The following MACROD2 variants were observed in gnomAD, a reference collection of about 807,000 sequenced individuals.
MACROD2 encodes the protein ADP-ribose glycohydrolase MACROD2.
In MACROD2, 36 loss-of-function variants were observed where a neutral mutation model predicts 70.4. The ratio of observed to expected loss-of-function variants is 0.51; its 90% CI spans 0.39 to 0.68. The LOEUF is 0.68. MACROD2 is among the 30% of genes least tolerant of loss of function. MACROD2 has a pLI of 0.00. For synonymous variants in MACROD2, 172 were observed against 178.8 expected (o/e 0.96, Z 0.30); for missense variants, 496 against 538.4 (o/e 0.92, Z 0.78).
chr20:14,481,724 A>G (rs1322948261), intron 3 of MACROD2, among the ~76,000 whole-genome samples: 1 of 152,230 alleles, frequency 6.6e-6, no homozygotes, highest in South Asian at 2.1e-4. Context: ...GGACTCAAGC[A>G]TTGGATTGAA....
intron 3 of MACROD2, among the ~76,000 whole-genome samples, chr20:14,269,151 G>C (rs1388861225): frequency 6.6e-6 from 1 of 152,188 alleles, no homozygotes; most frequent in Non-Finnish European, 1.5e-5. Context: ...CTTATTGTGT[G>C]TGTGGAAATT....
chr20:14,294,590 A>G (rs1454442118), intron 3 of MACROD2, among the ~76,000 whole-genome samples: 2 of 151,834 alleles, frequency 1.3e-5, no homozygotes, highest in African/African-American at 4.9e-5. Flanking sequence ...AGGAGCTTGA[A>G]TATTTTGTAG....
chr20:15,074,874 C>G (rs1483076845), intron 5 of MACROD2, among the ~76,000 whole-genome samples: 1 of 152,172 alleles, frequency 6.6e-6, no homozygotes, highest in African/African-American at 2.4e-5. Context: ...TATGGAATGT[C>G]AGGCACTGCA....
chr20:16,018,500 C>G (rs1249075716), intron 15 of MACROD2, among the ~76,000 whole-genome samples: 1 of 152,056 alleles, frequency 6.6e-6, no homozygotes, highest in African/African-American at 2.4e-5. Flanking sequence ...ATGGTCTTAT[C>G]TCCTACTTTG....
At chr20:15,696,598 G>A (rs2146887476) in intron 8 of MACROD2, among the ~76,000 whole-genome samples, 1 of 151,488 alleles carries the variant, frequency 6.6e-6, no homozygotes, top group South Asian at 2.1e-4. Context: ...TCTATCTTGT[G>A]GAATTGTGTC....
chr20:14,090,722 C>T (rs1228464546), intron 3 of MACROD2, among the ~76,000 whole-genome samples: 1 of 152,154 alleles, frequency 6.6e-6, no homozygotes, highest in Admixed American at 6.6e-5. Flanking sequence ...CTGCAGTGAA[C>T]ATGGCAGTAC....
intron 5 of MACROD2, among the ~76,000 whole-genome samples, chr20:14,716,249 T>C (rs2071395792): frequency 6.6e-6 from 1 of 152,182 alleles, no homozygotes; most frequent in Non-Finnish European, 1.5e-5. Flanking sequence ...TGTCTTGGGA[T>C]ATATCTCTAT....
intron 3 of MACROD2, among the ~76,000 whole-genome samples, chr20:14,452,337 T>G (rs1894640465): frequency 6.6e-6 from 1 of 152,120 alleles, no homozygotes; most frequent in African/African-American, 2.4e-5. Flanking sequence ...CATCTTAACA[T>G]TTAGGGATAA....
rs3045609 is a variant in MACROD2, at chr20:14,789,460, A to ATTTTTTTTTTTTTTTTTT, written c.418+104516_418+104533dup. On this transcript the variant is annotated intron_variant, in intron 5 of 17. Transcript: ENST00000684519. ...CTTGTGGATTAATCAGGTAGTGCAA[A>ATTTTTTTTTTTTTTTTTT]TTTTTTTTTTTTTTTTTTTTTTTTT... 3.3e-4 allele frequency among the ~76,000 whole-genome samples: 16 copies of ATTTTTTTTTTTTTTTTTT among 48,358 alleles called. 5 individuals are homozygous for ATTTTTTTTTTTTTTTTTT. Among genetic ancestry groups the ATTTTTTTTTTTTTTTTTT allele is most frequent in the Middle Eastern group, 0.023 (1 of 44 alleles). 31.7% of individuals were successfully genotyped at this position (48,358 alleles called of 152,430 possible).
intron 6 of MACROD2, among the ~76,000 whole-genome samples, chr20:15,257,182 A>T (rs1259814042): frequency 2.6e-5 from 4 of 152,024 alleles, no homozygotes; most frequent in Admixed American, 6.6e-5. Flanking sequence ...TCTTTCTTAC[A>T]ATATACATAC....
intron 5 of MACROD2, among the ~76,000 whole-genome samples, chr20:15,144,833 T>A (rs192986880): frequency 1.3e-5 from 2 of 152,252 alleles, no homozygotes; most frequent in Non-Finnish European, 2.9e-5. Flanking sequence ...GAAGAGTGGT[T>A]CTATATTCTG....
At chr20:15,125,475 C>T (rs2076059574) in intron 5 of MACROD2, among the ~76,000 whole-genome samples, 1 of 152,064 alleles carries the variant, frequency 6.6e-6, no homozygotes, top group Non-Finnish European at 1.5e-5. Context: ...TTCATTCATT[C>T]AACCAACATT....
intron 2 of MACROD2, among the ~76,000 whole-genome samples, chr20:14,061,177 G>C (rs2053686794): frequency 6.6e-6 from 1 of 152,036 alleles, no homozygotes; most frequent in African/African-American, 2.4e-5. Context: ...AGATATTTTT[G>C]CATGTAGGTA....
At chr20:15,138,629 C>T (rs1446004805) in intron 5 of MACROD2, among the ~76,000 whole-genome samples, 8 of 152,088 alleles carry the variant, frequency 5.3e-5, no homozygotes. Flanking sequence ...GTTATTTTTG[C>T]ACTTGTAGTG....
At chr20:15,602,577 T>TA (rs750663762) in intron 8 of MACROD2, among the ~76,000 whole-genome samples, 1 of 152,226 alleles carries the variant, frequency 6.6e-6, no homozygotes, top group Non-Finnish European at 1.5e-5. Context: ...TGAGTTTCTT[T>TA]ATTAGCCCAG....
chr20:14,036,048 A>G (rs2053305183), intron 2 of MACROD2, among the ~76,000 whole-genome samples: 1 of 152,146 alleles, frequency 6.6e-6, no homozygotes, highest in African/African-American at 2.4e-5. Context: ...AGGCTGAGGC[A>G]GGAGAATGGC....
Position 15,791,577 on chromosome 20 carries a change from T to C in MACROD2, c.646-71168T>C, listed in dbSNP as rs187709731. Among the ~76,000 whole-genome samples, 4 of 152,070 alleles carry C rather than the reference T, an allele frequency of 2.6e-5. No homozygotes were observed. In the East Asian group the frequency reaches 5.8e-4, roughly 22 times the overall value. On this transcript the variant is annotated intron_variant, in intron 8 of 17. Transcript: ENST00000684519. ...AATTTTTAAGAATTCATTACAAGTA[T>C]CACAAAAGATAAACACACATAAAGA...
At chr20:15,494,758 TGTGTGCGC>T (rs113637104) in intron 7 of MACROD2, among the ~76,000 whole-genome samples, 6,338 of 90,470 alleles carry the variant, frequency 0.07, 432 homozygotes, top group African/African-American at 0.23. Flanking sequence ...TGTGTGTGTG[TGTGTGCGC>T]GTGTGTGTGT....
At chr20:15,748,193 G>T (rs1209683418) in intron 8 of MACROD2, among the ~76,000 whole-genome samples, 1 of 152,032 alleles carries the variant, frequency 6.6e-6, no homozygotes, top group Admixed American at 6.6e-5. Flanking sequence ...ATTCCTTGAG[G>T]TCTAAAATAT....
Sources: allele counts gnomAD v4.1 joint callset (sites outside exome capture counted in the v4.1 genomes callset), GRCh38; gene constraint gnomAD v4.1.1; transcripts MANE v1.5; gene names NCBI Gene and HGNC (gene_info 2026-07-23, HGNC 2026-07-21).